The following ELAVL2 variants were observed in gnomAD, a reference collection of about 807,000 sequenced individuals.
The protein encoded by ELAVL2 is ELAV like RNA binding protein 2, also known as ELAV-like protein 2.
A neutral mutation model predicts 34.6 loss-of-function variants in ELAVL2; 4 were observed. That is an observed-to-expected ratio of 0.12 (90% confidence interval 0.06 to 0.26). The LOEUF (loss-of-function observed/expected upper bound fraction) is 0.26. ELAVL2 is among the 10% of genes least tolerant of loss of function. The probability of loss-of-function intolerance (pLI) is 1.00; values close to 1 mark genes in which losing one functional copy is unlikely to be tolerated. For synonymous variants in ELAVL2, 193 were observed against 154.8 expected (o/e 1.25, Z -1.83); for missense variants, 432 against 442.8 (o/e 0.98, Z 0.22).
rs199637833 is a variant in ELAVL2 at position 23,699,812 on chromosome 9, G to GTTTTTTTTTTTTTTT, written c.713+1552_713+1566dup. Among the ~76,000 whole-genome samples, 11 of 82,974 alleles carry GTTTTTTTTTTTTTTT rather than the reference G, an allele frequency of 1.3e-4. 1 individual carries two copies. Among genetic ancestry groups the GTTTTTTTTTTTTTTT allele is most frequent in the South Asian group, 4.9e-4 (1 of 2,036 alleles). The allele number at this position is 82,974 out of a possible 152,430, so 54.4% of individuals were successfully genotyped here. On this transcript the variant is annotated intron_variant, in intron 5 of 6. Transcript: ENST00000397312. Reference sequence around the variant, plus strand: ...CCATGGGAAGTCAAAGGTGGCAAAGGTTTTTTTTTTTTTTTTTTTTTTTTT... The same window carrying GTTTTTTTTTTTTTTT: ...CCATGGGAAGTCAAAGGTGGCAAAGGTTTTTTTTTTTTTTTTTTTTTTTTTTTTTTTTTTTTTTTT...
chr9:23,798,008 T>C (rs991368012), intron 1 of ELAVL2, among the ~76,000 whole-genome samples: 3 of 152,210 alleles, frequency 2.0e-5, no homozygotes, highest in African/African-American at 7.2e-5. Flanking sequence ...AAAAAGTTAT[T>C]TGGCTAGTTC....
upstream of ELAVL2, among the ~76,000 whole-genome samples, chr9:23,830,582 CCCTT>C (rs1481434062): frequency 3.1e-5 from 4 of 128,344 alleles, no homozygotes; most frequent in Admixed American, 1.6e-4. Flanking sequence ...GGTTGGTTCT[CCCTT>C]CCCAGCCCCC....
chr9:23,777,634 G>C (rs184169207), intron 1 of ELAVL2, among the ~76,000 whole-genome samples: 20 of 152,192 alleles, frequency 1.3e-4, no homozygotes, highest in Non-Finnish European at 2.8e-4. Context: ...GTGGGAAACG[G>C]GGGGTATCAT....
intron 3 of ELAVL2, among the ~76,000 whole-genome samples, chr9:23,706,745 T>A (rs2039452207): frequency 6.6e-6 from 1 of 152,198 alleles, no homozygotes; most frequent in Non-Finnish European, 1.5e-5. Context: ...AACAACAAAC[T>A]TTCCCAATTT....
intron 1 of ELAVL2, among the ~76,000 whole-genome samples, chr9:23,778,490 A>G (rs2058576240): frequency 6.6e-6 from 1 of 152,204 alleles, no homozygotes; most frequent in Non-Finnish European, 1.5e-5. Flanking sequence ...GCAAGAGTCC[A>G]TATTCCCAGA....
At chr9:23,769,958 G>C (rs1289581380) in intron 1 of ELAVL2, among the ~76,000 whole-genome samples, 1 of 152,156 alleles carries the variant, frequency 6.6e-6, no homozygotes, top group Non-Finnish European at 1.5e-5. Flanking sequence ...TTCAGTCTAA[G>C]TCCATTACAG....
rs551975868 is a variant in ELAVL2 at position 23,813,241 on chromosome 9, T to C, written c.-16+12565A>G. On this transcript the variant is annotated intron_variant, in intron 1 of 6. Coordinates refer to ENST00000397312, the MANE Select transcript of ELAVL2 (RefSeq NM_004432.5). ...CATGACATGTGGAGCCTCTTTCTACTTCTGCTGGTGCATCAGTCTGCTCTA... is the reference window on the plus strand; with the variant it reads ...CATGACATGTGGAGCCTCTTTCTACCTCTGCTGGTGCATCAGTCTGCTCTA... 2.0e-5 allele frequency among the ~76,000 whole-genome samples: 3 copies of C among 152,280 alleles called. No individual in the cohort carries two copies. The East Asian group carries it at 5.8e-4, about 29-fold the overall frequency.
intron 1 of ELAVL2, among the ~76,000 whole-genome samples, chr9:23,788,113 C>G (rs555025892): frequency 6.6e-6 from 1 of 152,086 alleles, no homozygotes; most frequent in Non-Finnish European, 1.5e-5. Flanking sequence ...ATGACTTTTA[C>G]AGCTAATGTA....
chr9:23,807,555 A>G (rs1476744396), intron 1 of ELAVL2, among the ~76,000 whole-genome samples: 1 of 152,184 alleles, frequency 6.6e-6, no homozygotes, highest in East Asian at 1.9e-4. Context: ...AATATTTTAA[A>G]AACAATTCCA....
At chr9:23,761,787 A>G (rs1056016333) in intron 2 of ELAVL2, among the ~76,000 whole-genome samples, 2 of 152,100 alleles carry the variant, frequency 1.3e-5, no homozygotes, top group African/African-American at 4.8e-5. Flanking sequence ...AGATCAGAGT[A>G]CATTAAAGTC....
intron 1 of ELAVL2, among the ~76,000 whole-genome samples, chr9:23,769,204 C>A (rs2056872563): frequency 1.4e-5 from 2 of 145,630 alleles, no homozygotes. Flanking sequence ...ATACAAAACA[C>A]AAACAAACAA....
At chr9:23,775,397 A>G (rs1014785199) in intron 1 of ELAVL2, among the ~76,000 whole-genome samples, 5 of 152,208 alleles carry the variant, frequency 3.3e-5, no homozygotes, top group African/African-American at 1.2e-4. Flanking sequence ...ACTATAAGCT[A>G]TATTACATTC....
At chr9:23,826,728 T>A (rs530492475), upstream of ELAVL2, among the ~76,000 whole-genome samples, 4 of 152,220 alleles carry the variant, frequency 2.6e-5, no homozygotes, top group Non-Finnish European at 4.4e-5. Flanking sequence ...TATTTCTTTA[T>A]AACATTTAAC....
intron 3 of ELAVL2, among the ~76,000 whole-genome samples, chr9:23,715,162 G>A (rs986180614): frequency 1.3e-5 from 2 of 152,152 alleles, no homozygotes; most frequent in Non-Finnish European, 2.9e-5. Flanking sequence ...GCCTTGTGCA[G>A]GAGGTTTTTC....
At chr9:23,766,802 C>T (rs755773241) in intron 1 of ELAVL2, among the ~76,000 whole-genome samples, 33 of 152,236 alleles carry the variant, frequency 2.2e-4, no homozygotes, top group Non-Finnish European at 3.8e-4. Context: ...ACTTCCCCTT[C>T]ACTTAAGGAC....
At chr9:23,698,384 G>A (rs2035997809) in intron 5 of ELAVL2, among the ~76,000 whole-genome samples, 1 of 152,164 alleles carries the variant, frequency 6.6e-6, no homozygotes, top group Admixed American at 6.5e-5. Flanking sequence ...GATTGACTAA[G>A]CCATAAACCT....
At chr9:23,762,689 A>C (rs1035663568) in intron 1 of ELAVL2, among the ~76,000 whole-genome samples, 2 of 152,162 alleles carry the variant, frequency 1.3e-5, no homozygotes, top group African/African-American at 4.8e-5. Flanking sequence ...ATTTTCAGTT[A>C]TCCTAAGAGG....
chr9:23,804,841 T>A (rs1354820583), intron 1 of ELAVL2, among the ~76,000 whole-genome samples: 1 of 152,136 alleles, frequency 6.6e-6, no homozygotes, highest in Non-Finnish European at 1.5e-5. Flanking sequence ...CCTAAGACTT[T>A]AGACAATACA....
chr9:23,820,801 C>A (rs895570748), intron 1 of ELAVL2, among the ~76,000 whole-genome samples: 1 of 152,230 alleles, frequency 6.6e-6, no homozygotes, highest in South Asian at 2.1e-4. Flanking sequence ...GCCGCAACCA[C>A]GGCAAGCGAA....
Sources: gnomAD v4.1 joint callset for allele counts (sites outside exome capture counted in the v4.1 genomes callset) on GRCh38, gnomAD v4.1.1 for gene constraint, MANE v1.5 for transcripts, NCBI Gene and HGNC (gene_info 2026-07-23, HGNC 2026-07-21) for gene names.